Variants in PTPRD observed in about 807,000 individuals in gnomAD.
The protein encoded by PTPRD is protein tyrosine phosphatase receptor type D, also known as receptor-type tyrosine-protein phosphatase delta.
Under a neutral mutation model 214.5 loss-of-function variants are expected in PTPRD, and 34 were observed. The observed-to-expected ratio is 0.16, with a 90% CI of 0.12 to 0.21. The LOEUF (loss-of-function observed/expected upper bound fraction) is 0.21, where lower values mean the gene tolerates loss of function less well. Ranked by LOEUF, PTPRD falls within the 10% of genes least tolerant of loss-of-function variation. The probability of loss-of-function intolerance (pLI) is 1.00; values close to 1 mark genes in which losing one functional copy is unlikely to be tolerated. For synonymous variants in PTPRD, 1,128 were observed against 845.7 expected (o/e 1.33, Z -5.79); for missense variants, 2,545 against 2,398.7 (o/e 1.06, Z -1.27).
chr9:9,085,391 A>G (rs1377449115), intron 10 of PTPRD, among the ~76,000 whole-genome samples: 1 of 152,146 alleles, frequency 6.6e-6, no homozygotes, highest in Admixed American at 6.6e-5. Context: ...CAGCATGCAA[A>G]TTCTTCTTTC....
At chr9:8,433,944 A>G (rs1035464583) in intron 35 of PTPRD, among the ~76,000 whole-genome samples, 1 of 152,130 alleles carries the variant, frequency 6.6e-6, no homozygotes, top group African/African-American at 2.4e-5. Context: ...TGCAAGCTCC[A>G]TTCATGCTAA....
chr9:9,332,858 A>G (rs2042859711), intron 9 of PTPRD, among the ~76,000 whole-genome samples: 1 of 152,072 alleles, frequency 6.6e-6, no homozygotes, highest in South Asian at 2.1e-4. Flanking sequence ...ACTTTCATCA[A>G]GTGGATACAT....
intron 12 of PTPRD, among the ~76,000 whole-genome samples, chr9:8,710,608 C>G (rs566466167): frequency 6.6e-6 from 1 of 151,976 alleles, no homozygotes; most frequent in African/African-American, 2.4e-5. Context: ...AGAGTGAGAC[C>G]TTGTCTCAAA....
intron 5 of PTPRD, among the ~76,000 whole-genome samples, chr9:9,899,858 T>C (rs907226475): frequency 6.6e-6 from 1 of 151,976 alleles, no homozygotes; most frequent in Non-Finnish European, 1.5e-5. Flanking sequence ...GGAACACTAG[T>C]CTTAAGAAAG....
At chr9:8,814,705 G>A (rs1286485535) in intron 11 of PTPRD, among the ~76,000 whole-genome samples, 1 of 152,212 alleles carries the variant, frequency 6.6e-6, no homozygotes, top group Non-Finnish European at 1.5e-5. Flanking sequence ...TATAACCAAG[G>A]ATGAGGAAGA....
rs1046856514 is a variant in PTPRD, at chr9:9,703,254, C to G, written c.-287+31279G>C. 3.3e-5 allele frequency among the ~76,000 whole-genome samples: 5 copies of G among 152,162 alleles called. No individual in the cohort carries two copies. The East Asian group carries it at 9.6e-4, about 29-fold the overall frequency. ...TGCCATGATTTTAAGTTTCCAGAGG[C>G]CTTCCTAGCCATGCTGAACTGTGAG... is the stretch of plus-strand genomic sequence containing the variant. On this transcript the variant is annotated intron_variant, in intron 7 of 45. Transcript: ENST00000381196.
chr9:10,060,325 C>G (rs1225090381), intron 3 of PTPRD, among the ~76,000 whole-genome samples: 1 of 152,000 alleles, frequency 6.6e-6, no homozygotes, highest in Non-Finnish European at 1.5e-5. Flanking sequence ...AAGAAAACTA[C>G]TTTCTAAATG....
intron 5 of PTPRD, among the ~76,000 whole-genome samples, chr9:9,889,747 C>T (rs1482299177): frequency 3.3e-5 from 5 of 151,968 alleles, no homozygotes; most frequent in African/African-American, 4.8e-5. Context: ...GAGGTCCTCT[C>T]TTCCTGATTC....
chr9:9,744,307 T>C (rs1010803648), intron 6 of PTPRD, among the ~76,000 whole-genome samples: 2 of 152,160 alleles, frequency 1.3e-5, no homozygotes, highest in Admixed American at 1.3e-4. Flanking sequence ...GTAGAGTGGC[T>C]GCAATTGAGG....
At chr9:10,307,105 A>G (rs965081095) in intron 3 of PTPRD, among the ~76,000 whole-genome samples, 4 of 152,156 alleles carry the variant, frequency 2.6e-5, no homozygotes, top group Admixed American at 6.6e-5. Context: ...TCTAATTTGA[A>G]ACATATAATG....
intron 5 of PTPRD, among the ~76,000 whole-genome samples, chr9:9,912,250 C>A (rs943602879): frequency 1.3e-5 from 2 of 152,028 alleles, no homozygotes; most frequent in Non-Finnish European, 2.9e-5. Flanking sequence ...CTCTGGAAAA[C>A]CTGCCACTTC....
chr9:10,055,581 T>C (rs1188553989), intron 3 of PTPRD, among the ~76,000 whole-genome samples: 3 of 152,114 alleles, frequency 2.0e-5, no homozygotes. Flanking sequence ...TCTTAATCAC[T>C]TCATTATGAT....
In PTPRD at chr9:8,663,431, G is replaced by C. The variant is rs1241922268; in HGVS notation, c.65-26587C>G. Reference sequence around the variant, plus strand: ...CACTGAATGTTAGGTGGGAAATTTTGTTCTGCATGTGATTGTAAAAGCATA... The same window carrying C: ...CACTGAATGTTAGGTGGGAAATTTTCTTCTGCATGTGATTGTAAAAGCATA... On this transcript the variant is annotated intron_variant, in intron 12 of 45. Transcript: ENST00000381196. 2.0e-5 allele frequency among the ~76,000 whole-genome samples: 3 copies of C among 147,814 alleles called. No homozygotes were observed. In the East Asian group the frequency reaches 5.8e-4, roughly 29 times the overall value.
At chr9:10,369,902 GAAC>G (rs1474408785) in intron 2 of PTPRD, among the ~76,000 whole-genome samples, 1 of 151,978 alleles carries the variant, frequency 6.6e-6, no homozygotes, top group Non-Finnish European at 1.5e-5. Context: ...GTCAAAAAAA[GAAC>G]AATAATGAGA....
chr9:10,282,707 C>T (rs1393173625), intron 3 of PTPRD, among the ~76,000 whole-genome samples: 1 of 150,344 alleles, frequency 6.7e-6, no homozygotes, highest in East Asian at 1.9e-4. Context: ...ACAGCTTTCA[C>T]ACTGATTTTT....
intron 8 of PTPRD, among the ~76,000 whole-genome samples, chr9:9,553,221 C>G (rs1290793576): frequency 6.6e-5 from 10 of 151,834 alleles, no homozygotes; most frequent in Non-Finnish European, 1.5e-4. Context: ...AAATTTCATC[C>G]CTATAAATAT....
At chr9:9,011,048 G>C (rs898994485) in intron 11 of PTPRD, among the ~76,000 whole-genome samples, 2 of 152,136 alleles carry the variant, frequency 1.3e-5, no homozygotes, top group African/African-American at 2.4e-5. Context: ...GATTGCCCTA[G>C]TTAAAAATGC....
intron 22 of PTPRD, among the ~76,000 whole-genome samples, chr9:8,506,610 C>G (rs1245576147): frequency 6.6e-6 from 1 of 152,050 alleles, no homozygotes; most frequent in African/African-American, 2.4e-5. Context: ...TACGTCAAAT[C>G]GATTAATAAG....
chr9:9,842,298 A>T (rs972130513), intron 5 of PTPRD, among the ~76,000 whole-genome samples: 29 of 91,428 alleles, frequency 3.2e-4, no homozygotes, highest in Admixed American at 4.7e-4. Flanking sequence ...GAAGGAGAGC[A>T]TTTTTTTTTT....
Sources: gnomAD v4.1 joint callset for allele counts (sites outside exome capture counted in the v4.1 genomes callset) on GRCh38, gnomAD v4.1.1 for gene constraint, MANE v1.5 for transcripts, NCBI Gene and HGNC (gene_info 2026-07-23, HGNC 2026-07-21) for gene names.